LOXL2: variants seen among roughly 807,000 people sequenced by gnomAD.
LOXL2 encodes the protein lysyl oxidase like 2.
LOXL2 carries 70 observed loss-of-function variants against 93.0 expected under a neutral mutation model. The ratio of observed to expected loss-of-function variants is 0.75; its 90% CI spans 0.62 to 0.92. LOXL2 has a LOEUF of 0.92. Among genes scored for constraint, LOXL2 ranks in the 40% least tolerant of loss-of-function variants. The probability of loss-of-function intolerance (pLI) is 0.00; values close to 1 mark genes in which losing one functional copy is unlikely to be tolerated. For missense variants in LOXL2, 973 were observed against 1,054.9 expected, an observed-to-expected ratio of 0.92 and a Z score of 1.08; for synonymous variants, 438 against 413.2, an observed-to-expected ratio of 1.06 and a Z score of -0.73.
intron 1 of LOXL2, among the ~76,000 whole-genome samples, chr8:23,396,627 A>G (rs1800092101): frequency 6.6e-6 from 1 of 152,208 alleles, no homozygotes; most frequent in Admixed American, 6.5e-5. Flanking sequence ...CTTAAATCTC[A>G]TAACTAATCT....
intron 6 of LOXL2, among the ~76,000 whole-genome samples, chr8:23,325,613 G>A (rs1192783439): frequency 1.3e-5 from 2 of 152,224 alleles, no homozygotes; most frequent in African/African-American, 2.4e-5. Flanking sequence ...CCGGTCTAGT[G>A]TTGGAACTTC....
At chr8:23,390,880 G>C (rs1405149981) in intron 1 of LOXL2, among the ~76,000 whole-genome samples, 2 of 152,176 alleles carry the variant, frequency 1.3e-5, no homozygotes, top group African/African-American at 4.8e-5. Flanking sequence ...TAAAGAAAAA[G>C]AGGTGTAATG....
At position 23,346,149 on chromosome 8, in the gene LOXL2, AAT is replaced by A. The variant is rs796302382; in HGVS notation, c.532-4948_532-4947del. 1.5e-4 allele frequency among the ~76,000 whole-genome samples: 15 copies of A among 99,514 alleles called. No homozygotes were observed. The East Asian group carries it at 1.6e-3, about 10-fold the overall frequency. 65.3% of individuals were successfully genotyped at this position (99,514 alleles called of 152,430 possible). On this transcript the variant is annotated intron_variant, in intron 3 of 13. Transcript: ENST00000389131. ...AAATAAAATAAAATAAAATAAATAA[AAT>A]AAAATAAAAAATAAAATAAAATAAA...
chr8:23,401,892 T>C (rs1420346769), intron 1 of LOXL2, among the ~76,000 whole-genome samples: 1 of 152,244 alleles, frequency 6.6e-6, no homozygotes, highest in East Asian at 1.9e-4. Flanking sequence ...GTACGTTTTG[T>C]TTTCAGACCT....
chr8:23,399,437 T>C (rs781013761), intron 1 of LOXL2, among the ~76,000 whole-genome samples: 1 of 152,230 alleles, frequency 6.6e-6, no homozygotes, highest in Non-Finnish European at 1.5e-5. Flanking sequence ...TCTGCCCTCA[T>C]AAACTGATGA....
At chr8:23,332,422 CCA>C (rs1231505022) in intron 5 of LOXL2, among the ~76,000 whole-genome samples, 6 of 134,620 alleles carry the variant, frequency 4.5e-5, no homozygotes, top group Non-Finnish European at 8.0e-5. Flanking sequence ...CGCCACACAC[CCA>C]CAAACACACC....
At chr8:23,347,867 G>A (rs1804020028) in intron 3 of LOXL2, among the ~76,000 whole-genome samples, 1 of 152,048 alleles carries the variant, frequency 6.6e-6, no homozygotes, top group Non-Finnish European at 1.5e-5. Flanking sequence ...TATACCCAAA[G>A]GATTATAAAT....
rs58824822 is a variant in LOXL2, at chr8:23,355,512, C to CTTT, written c.531+4575_531+4577dup. The stretch of plus-strand genomic sequence containing the variant: ...CTATCTGTAAAGCAGTTGACATTCA[C>CTTT]TTTTTTTTTTTTTTTTTTTTTTTTT... On this transcript the variant is annotated intron_variant, in intron 3 of 13. Transcript: ENST00000389131. Among the ~76,000 whole-genome samples the CTTT allele has an allele frequency of 5.8e-3, 466 of 80,294 alleles. 38 individuals carry two copies. Among genetic ancestry groups the CTTT allele is most frequent in the African/African-American group, 0.019 (358 of 19,064 alleles). The allele number at this position is 80,294 out of a possible 152,430, so 52.7% of individuals were successfully genotyped here. A position where few individuals can be genotyped will look rare whatever the true frequency, so the allele number is the denominator to read the frequency against.
intron 10 of LOXL2, 37 bp downstream of exon 10, chr8:23,309,631 G>T: frequency 1.4e-6 from 2 of 1,385,390 alleles, no homozygotes; most frequent in Non-Finnish European, 1.9e-6. Flanking sequence ...GATGTCCGCC[G>T]GGCAGCTTAG....
intron 12 of LOXL2, among the ~76,000 whole-genome samples, chr8:23,300,838 C>G (rs929565154): frequency 2.0e-5 from 3 of 152,316 alleles, no homozygotes; most frequent in Admixed American, 2.0e-4. Flanking sequence ...CACACTCACC[C>G]AGCAAAATGA....
At chr8:23,361,045 C>T (rs750075319) in intron 2 of LOXL2, among the ~76,000 whole-genome samples, 29 of 152,104 alleles carry the variant, frequency 1.9e-4, no homozygotes, top group Non-Finnish European at 3.8e-4. Flanking sequence ...GGACGACAGG[C>T]GCATGCCACC....
At chr8:23,330,973 A>G (rs775207877) in intron 5 of LOXL2, among the ~76,000 whole-genome samples, 5 of 152,100 alleles carry the variant, frequency 3.3e-5, no homozygotes, top group Non-Finnish European at 7.4e-5. Context: ...GTCACTCCTG[A>G]TAGTTCCCAC....
At chr8:23,383,239 C>T (rs145683522) in intron 1 of LOXL2, among the ~76,000 whole-genome samples, 3 of 152,198 alleles carry the variant, frequency 2.0e-5, no homozygotes, top group Non-Finnish European at 2.9e-5. Flanking sequence ...AATCAGAACA[C>T]GCTGTCTGAA....
chr8:23,316,979 G>A lies in LOXL2; in HGVS notation c.1606C>T (p.Gln536Ter), dbSNP rs750210282. 1.9e-6 allele frequency: 3 copies of A among 1,613,062 alleles called. No homozygotes were observed. The highest frequency in any genetic ancestry group is 2.5e-6 in the Non-Finnish European group (3 of 1,179,452). The change falls in exon 9 of 14, where the codon CAG (glutamine) becomes TAG (stop). Residue 536 changes from glutamine to a stop codon, truncating the protein, a stop_gained. Coordinates refer to ENST00000389131, the MANE Select transcript of LOXL2 (RefSeq NM_002318.3). LOFTEE classifies it high-confidence loss of function. ...EDVACPQGGV[Q>*]YGAGVACSET... ...GAGCAGGCAACTCCGGCCCCGTACT[G>A]CACTCCGCCCTGGGGGCAGGCCACG...
intron 1 of LOXL2, among the ~76,000 whole-genome samples, chr8:23,396,502 A>G (rs1474246166): frequency 6.6e-6 from 1 of 152,212 alleles, no homozygotes; most frequent in Non-Finnish European, 1.5e-5. Context: ...TTTGAACCCT[A>G]CAATGGCCAA....
chr8:23,306,941 C>A (rs1485330251), intron 10 of LOXL2, among the ~76,000 whole-genome samples: 1 of 152,234 alleles, frequency 6.6e-6, no homozygotes, highest in Non-Finnish European at 1.5e-5. Context: ...CACTTTCCTC[C>A]AGGTCTGGTT....
chr8:23,382,129 T>C (rs1178080728), intron 1 of LOXL2, among the ~76,000 whole-genome samples: 1 of 152,128 alleles, frequency 6.6e-6, no homozygotes, highest in Non-Finnish European at 1.5e-5. Context: ...TATAGTTCGG[T>C]TGCCATAATG....
chr8:23,362,293 T>C (rs748680220), intron 2 of LOXL2, among the ~76,000 whole-genome samples: 6 of 151,836 alleles, frequency 4.0e-5, no homozygotes, highest in Non-Finnish European at 7.4e-5. Flanking sequence ...GAAAGTAGAG[T>C]GGTGGCTGCC....
intron 1 of LOXL2, among the ~76,000 whole-genome samples, chr8:23,383,646 GTTTTTTTTT>G (rs1204879895): frequency 8.5e-6 from 1 of 117,656 alleles, no homozygotes; most frequent in African/African-American, 3.5e-5. Flanking sequence ...GCACTTTTAC[GTTTTTTTTT>G]TGTTTTTTTT....
Sources: gnomAD v4.1 joint callset for allele counts (sites outside exome capture counted in the v4.1 genomes callset) on GRCh38, gnomAD v4.1.1 for gene constraint, MANE v1.5 for transcripts, NCBI Gene and HGNC (gene_info 2026-07-23, HGNC 2026-07-21) for gene names.